Variants in LAMA1 observed in about 807,000 individuals in gnomAD.
The protein encoded by LAMA1 is laminin subunit alpha-1.
In LAMA1, 219 loss-of-function variants were observed where a neutral mutation model predicts 348.7. The observed-to-expected ratio is 0.63, with a 90% CI of 0.56 to 0.70. LAMA1 has a LOEUF of 0.70. LAMA1 is among the 30% of genes least tolerant of loss of function. The pLI is 0.00. For synonymous variants in LAMA1, 1,487 were observed against 1,491.0 expected (o/e 1.00, Z 0.06); for missense variants, 3,744 against 3,888.0 (o/e 0.96, Z 0.99).
intron 32 of LAMA1, among the ~76,000 whole-genome samples, chr18:6,999,236 A>G (rs980723831): frequency 6.6e-6 from 1 of 152,202 alleles, no homozygotes; most frequent in Non-Finnish European, 1.5e-5. Context: ...ATAAACTGCT[A>G]TCTTAGAACC....
At chr18:7,034,348 C>G in intron 14 of LAMA1, 131 bp downstream of exon 14, 1 of 728,018 alleles carries the variant, frequency 1.4e-6, no homozygotes, top group Non-Finnish European at 2.4e-6. Context: ...ATTCTTAAGA[C>G]AGCCAGATCC....
At chr18:7,101,982 C>T (rs962581283) in intron 1 of LAMA1, among the ~76,000 whole-genome samples, 1 of 151,964 alleles carries the variant, frequency 6.6e-6, no homozygotes, top group Admixed American at 6.6e-5. Context: ...CTGGCCCCTA[C>T]AACAGTGACC....
chr18:7,040,196 T>C lies in LAMA1; in HGVS notation c.1302A>G (p.Thr434=), dbSNP rs768872595. 21 of 1,614,150 alleles carry C rather than the reference T, an allele frequency of 1.3e-5. No homozygotes were observed. Among genetic ancestry groups the C allele is most frequent in the Non-Finnish European group, 1.7e-5 (20 of 1,180,030 alleles). The stretch of plus-strand genomic sequence containing the variant: ...GTTGGCAGCGATCACATTTTTCTCC[T>C]GTATAACCTTCCTTACATGGGCACT... ...PGQCPCKEGY[T]GEKCDRCQLG... The change falls in exon 10 of 63, where the codon ACA becomes ACG. Residue 434 remains threonine, a synonymous_variant. Coordinates refer to ENST00000389658, the MANE Select transcript of LAMA1 (RefSeq NM_005559.4).
In LAMA1 at chr18:7,070,053, G is replaced by A. The variant is rs548284085; in HGVS notation, c.345+9922C>T. Among the ~76,000 whole-genome samples, 68 of 152,302 alleles carry A rather than the reference G, an allele frequency of 4.5e-4. 3 individuals are homozygous for A. The South Asian group carries it at 0.012, about 28-fold the overall frequency. On this transcript the variant is annotated intron_variant, in intron 3 of 62. Transcript: ENST00000389658. ...AGATAATGAAAATGTGAAAACAAAA[G>A]AAAGACCTATTTCTGAGTCTAGTAG...
intron 61 of LAMA1, among the ~76,000 whole-genome samples, chr18:6,946,410 T>G (rs1169786525): frequency 6.6e-6 from 1 of 152,164 alleles, no homozygotes; most frequent in Non-Finnish European, 1.5e-5. Flanking sequence ...GGGAGCCTTG[T>G]AGTATTGATA....
chr18:7,070,286 C>T (rs960785078), intron 3 of LAMA1, among the ~76,000 whole-genome samples: 1 of 152,274 alleles, frequency 6.6e-6, no homozygotes, highest in Admixed American at 6.5e-5. Flanking sequence ...GTACAAAAAG[C>T]ATACAGTAAA....
At chr18:7,106,136 G>A (rs1003659399) in intron 1 of LAMA1, among the ~76,000 whole-genome samples, 7 of 152,308 alleles carry the variant, frequency 4.6e-5, no homozygotes, top group African/African-American at 1.7e-4. Context: ...AGGAGAGTCA[G>A]TTGGGACCCG....
intron 1 of LAMA1, among the ~76,000 whole-genome samples, chr18:7,086,171 G>A (rs752082017): frequency 5.3e-5 from 8 of 152,146 alleles, no homozygotes; most frequent in Non-Finnish European, 8.8e-5. Context: ...ATGAATGACC[G>A]AGCTTTTCCT....
At chr18:7,047,401 A>C (rs919062373) in intron 5 of LAMA1, among the ~76,000 whole-genome samples, 5 of 152,304 alleles carry the variant, frequency 3.3e-5, no homozygotes, top group African/African-American at 1.2e-4. Flanking sequence ...TCAAATAAAC[A>C]ATAAAACTCT....
At chr18:7,081,594 A>G (rs1489961012) in intron 1 of LAMA1, among the ~76,000 whole-genome samples, 8 of 152,224 alleles carry the variant, frequency 5.3e-5, no homozygotes, top group Non-Finnish European at 1.2e-4. Context: ...GGTCCAAACT[A>G]TTCAGGAAAC....
At chr18:7,084,806 T>C (rs746383741) in intron 1 of LAMA1, among the ~76,000 whole-genome samples, 15 of 152,202 alleles carry the variant, frequency 9.9e-5, no homozygotes, top group Non-Finnish European at 1.6e-4. Flanking sequence ...TTACCACAGC[T>C]GAGACACTTC....
chr18:6,986,134 C>T lies in LAMA1; in HGVS notation c.5379+3G>A, dbSNP rs752392766. The T allele has an allele frequency of 1.9e-6, 3 of 1,614,104 alleles. No homozygotes were observed. In the South Asian group the frequency reaches 3.3e-5, roughly 18 times the overall value. On this transcript the variant is annotated splice_donor_region_variant and intron_variant, in intron 37 of 62. Coordinates refer to ENST00000389658, the MANE Select transcript of LAMA1 (RefSeq NM_005559.4). Reference sequence around the variant, plus strand: ...TGAGAAGGAGAGAGCAAGTGAGACTCACACTGAATTCTCTCAGATTAGCAT... The same window carrying T: ...TGAGAAGGAGAGAGCAAGTGAGACTTACACTGAATTCTCTCAGATTAGCAT...
At chr18:7,116,745 T>G (rs964851640) in intron 1 of LAMA1, among the ~76,000 whole-genome samples, 1 of 152,252 alleles carries the variant, frequency 6.6e-6, no homozygotes, top group Non-Finnish European at 1.5e-5. Flanking sequence ...CGTGGGTGAC[T>G]AGGGTTGTCC....
intron 1 of LAMA1, among the ~76,000 whole-genome samples, chr18:7,110,892 C>T (rs1313173811): frequency 2.0e-5 from 3 of 151,194 alleles, no homozygotes; most frequent in South Asian, 4.2e-4. Flanking sequence ...TTTCCCTCCC[C>T]CCCCCCACTT....
intron 19 of LAMA1, among the ~76,000 whole-genome samples, chr18:7,019,269 G>T (rs2057904444): frequency 6.6e-6 from 1 of 152,106 alleles, no homozygotes; most frequent in Admixed American, 6.6e-5. Context: ...TGGCTCTGCG[G>T]AAGGGACCCC....
chr18:7,037,461 G>T, intron 12 of LAMA1, 117 bp downstream of exon 12: 1 of 1,109,124 alleles, frequency 9.0e-7, no homozygotes, highest in Non-Finnish European at 1.4e-6. Context: ...GCTATGAAAT[G>T]CTGTCCAACA....
chr18:7,062,148 G>A (rs975454927), intron 3 of LAMA1, among the ~76,000 whole-genome samples: 2 of 152,224 alleles, frequency 1.3e-5, no homozygotes, highest in Admixed American at 1.3e-4. Flanking sequence ...GAAGGTCTAT[G>A]TGACCCAATG....
chr18:7,074,319 A>G (rs565747779), intron 3 of LAMA1, among the ~76,000 whole-genome samples: 2 of 152,348 alleles, frequency 1.3e-5, no homozygotes, highest in Non-Finnish European at 2.9e-5. Flanking sequence ...TTGAATAATG[A>G]CGATGAACAT....
intron 42 of LAMA1, among the ~76,000 whole-genome samples, chr18:6,979,904 A>T (rs994946087): frequency 6.6e-6 from 1 of 152,164 alleles, no homozygotes; most frequent in Non-Finnish European, 1.5e-5. Context: ...GTCTCAAAAA[A>T]TGTGTGCTGC....
Sources: gnomAD v4.1 joint callset for allele counts (sites outside exome capture counted in the v4.1 genomes callset) on GRCh38, gnomAD v4.1.1 for gene constraint, MANE v1.5 for transcripts, NCBI Gene and HGNC (gene_info 2026-07-23, HGNC 2026-07-21) for gene names.